Variants in MBD5 observed in about 807,000 individuals in gnomAD.
MBD5 encodes the protein methyl-CpG binding domain protein 5, also known as methyl-CpG-binding domain protein 5.
Under a neutral mutation model 117.3 loss-of-function variants are expected in MBD5, and 13 were observed. That is an observed-to-expected ratio of 0.11 (90% CI 0.07 to 0.18). The LOEUF is 0.18. Among genes scored for constraint, MBD5 ranks in the 10% least tolerant of loss-of-function variants. MBD5 has a pLI of 1.00. For missense variants in MBD5, 1,879 were observed against 2,093.8 expected, an observed-to-expected ratio of 0.90 and a Z score of 2.00; for synonymous variants, 727 against 766.4, an observed-to-expected ratio of 0.95 and a Z score of 0.85.
chr2:148,471,098 A>C (rs1680782771), intron 8 of MBD5: 1 of 152,144 alleles, frequency 6.6e-6, no homozygotes, highest in Admixed American at 6.6e-5. Flanking sequence ...TCTAATAAAA[A>C]AAAGGCTTGA....
intron 3 of MBD5, among the ~76,000 whole-genome samples, chr2:148,250,317 G>A (rs891180480): frequency 2.0e-5 from 3 of 152,150 alleles, no homozygotes; most frequent in Non-Finnish European, 2.9e-5. Flanking sequence ...ACTTGAGGGT[G>A]GAGGTTGGAA....
intron 4 of MBD5, among the ~76,000 whole-genome samples, chr2:148,422,883 T>TA (rs1022710420): frequency 4.0e-5 from 6 of 151,876 alleles, no homozygotes; most frequent in Non-Finnish European, 7.4e-5. Flanking sequence ...CAAGATTAGA[T>TA]AAAAAAGAAT....
At position 148,233,287 on chromosome 2, in the gene MBD5, A is replaced by G. The variant is rs889296670; in HGVS notation, c.-788A>G. On this transcript the variant is annotated 5_prime_UTR_variant, in exon 3 of 14. Coordinates refer to ENST00000642680, the MANE Select transcript of MBD5 (RefSeq NM_001378120.1). ...CCAGAAATCAAGAAGAGCACACACT[A>G]TTTTCCTTCATCAATCCATAGAACC... 5.3e-5 allele frequency: 8 copies of G among 152,258 alleles called. No individual in the cohort carries two copies. Among genetic ancestry groups the G allele is most frequent in the African/African-American group, 1.4e-4 (6 of 41,552 alleles). 9.4% of individuals were successfully genotyped at this position (152,258 alleles called of 1,614,324 possible).
At chr2:148,161,533 T>C (rs1340984097) in intron 1 of MBD5, among the ~76,000 whole-genome samples, 1 of 152,226 alleles carries the variant, frequency 6.6e-6, no homozygotes, top group Non-Finnish European at 1.5e-5. Context: ...CAAATGACTT[T>C]AATCCATACT....
chr2:148,205,880 C>T (rs1699264913), intron 2 of MBD5, among the ~76,000 whole-genome samples: 1 of 152,090 alleles, frequency 6.6e-6, no homozygotes, highest in African/African-American at 2.4e-5. Context: ...CAAAAATCAG[C>T]CAGTGATCCC....
chr2:148,050,658 A>G (rs1023999453), intron 1 of MBD5, among the ~76,000 whole-genome samples: 1 of 152,124 alleles, frequency 6.6e-6, no homozygotes, highest in African/African-American at 2.4e-5. Context: ...TATCTTGAAG[A>G]GACTATATCC....
At chr2:148,354,268 C>A (rs1442249727) in intron 4 of MBD5, among the ~76,000 whole-genome samples, 1 of 151,670 alleles carries the variant, frequency 6.6e-6, no homozygotes, top group Non-Finnish European at 1.5e-5. Flanking sequence ...CCCTTGCCCT[C>A]CACCCCCCAC....
chr2:148,166,392 T>C (rs1345130629), intron 1 of MBD5, among the ~76,000 whole-genome samples: 2 of 152,228 alleles, frequency 1.3e-5, no homozygotes, highest in African/African-American at 4.8e-5. Context: ...TGGTAAAAGA[T>C]AGCTGTTTCT....
intron 1 of MBD5, among the ~76,000 whole-genome samples, chr2:148,167,639 G>A (rs930928113): frequency 6.6e-6 from 1 of 152,072 alleles, no homozygotes; most frequent in Non-Finnish European, 1.5e-5. Context: ...TGTTATCATT[G>A]CTCCATTAAA....
At chr2:148,457,373 A>G (rs1214485178) in intron 4 of MBD5, among the ~76,000 whole-genome samples, 1 of 152,136 alleles carries the variant, frequency 6.6e-6, no homozygotes, top group Non-Finnish European at 1.5e-5. Flanking sequence ...GGTCATAAAA[A>G]GGCTTCTTTA....
At chr2:148,447,896 T>C (rs1274040875) in intron 4 of MBD5, among the ~76,000 whole-genome samples, 1 of 152,152 alleles carries the variant, frequency 6.6e-6, no homozygotes, top group African/African-American at 2.4e-5. Flanking sequence ...GTCTTACATT[T>C]TGCTTATCTG....
intron 4 of MBD5, among the ~76,000 whole-genome samples, chr2:148,406,470 A>G (rs1201235097): frequency 3.3e-5 from 5 of 152,340 alleles, no homozygotes; most frequent in Middle Eastern, 6.8e-3. Flanking sequence ...GACTTCCAGC[A>G]GATTGCTTCT....
At chr2:148,372,224 T>G (rs1703873473) in intron 4 of MBD5, among the ~76,000 whole-genome samples, 1 of 152,140 alleles carries the variant, frequency 6.6e-6, no homozygotes, top group South Asian at 2.1e-4. Flanking sequence ...AACAGCAGTT[T>G]TAATAACATT....
chr2:148,067,162 G>A (rs572290461), intron 1 of MBD5, among the ~76,000 whole-genome samples: 4 of 152,290 alleles, frequency 2.6e-5, no homozygotes, highest in African/African-American at 7.2e-5. Context: ...AAAATAGAAT[G>A]CAAAAGTACA....
chr2:148,333,598 T>C (rs1055554717), intron 3 of MBD5, among the ~76,000 whole-genome samples: 2 of 151,644 alleles, frequency 1.3e-5, no homozygotes, highest in African/African-American at 2.4e-5. Flanking sequence ...TCCCAGCACT[T>C]TGGGAGGCCG....
intron 3 of MBD5, among the ~76,000 whole-genome samples, chr2:148,316,378 C>T (rs1177226034): frequency 1.3e-5 from 2 of 152,106 alleles, no homozygotes; most frequent in Non-Finnish European, 2.9e-5. Flanking sequence ...AAGAGTTTGT[C>T]ATGCTGAGAA....
intron 3 of MBD5, among the ~76,000 whole-genome samples, chr2:148,290,244 C>T (rs1701471295): frequency 6.6e-6 from 1 of 150,440 alleles, no homozygotes; most frequent in African/African-American, 2.5e-5. Flanking sequence ...AGGCGTGAGT[C>T]ACCGCACCCA....
At chr2:148,187,702 T>C (rs1698700279) in intron 2 of MBD5, among the ~76,000 whole-genome samples, 1 of 151,612 alleles carries the variant, frequency 6.6e-6, no homozygotes, top group Non-Finnish European at 1.5e-5. Context: ...GGAAAAAACA[T>C]CTAAAATGAT....
intron 2 of MBD5, among the ~76,000 whole-genome samples, chr2:148,181,981 T>C (rs1050086346): frequency 2.6e-5 from 4 of 152,132 alleles, no homozygotes; most frequent in African/African-American, 9.6e-5. Context: ...TATAATCATT[T>C]GAAATTAATG....
Sources: gnomAD v4.1 joint callset for allele counts (sites outside exome capture counted in the v4.1 genomes callset) on GRCh38, gnomAD v4.1.1 for gene constraint, MANE v1.5 for transcripts, NCBI Gene and HGNC (gene_info 2026-07-23, HGNC 2026-07-21) for gene names.